Variants in NCOA5 observed in about 807,000 individuals in gnomAD.
NCOA5 encodes nuclear receptor coactivator 5.
A neutral mutation model predicts 59.0 loss-of-function variants in NCOA5; 12 were observed. The ratio of observed to expected loss-of-function variants is 0.20; its 90% confidence interval spans 0.13 to 0.33. NCOA5 has a LOEUF of 0.33. Ranked by LOEUF, NCOA5 falls within the 10% of genes least tolerant of loss-of-function variation. NCOA5 has a pLI of 1.00. For missense variants in NCOA5, 655 were observed against 766.6 expected (o/e 0.85, Z 1.72); for synonymous variants, 270 against 275.5 (o/e 0.98, Z 0.20).
At chr20:46,081,237 T>A (rs2084988859) in intron 1 of NCOA5, among the ~76,000 whole-genome samples, 1 of 152,118 alleles carries the variant, frequency 6.6e-6, no homozygotes, top group East Asian at 1.9e-4. Flanking sequence ...AAACACTGAC[T>A]AGACCTGGCA....
intron 3 of NCOA5, among the ~76,000 whole-genome samples, chr20:46,068,979 T>G (rs111374174): frequency 6.6e-6 from 1 of 152,102 alleles, no homozygotes; most frequent in African/African-American, 2.4e-5. Flanking sequence ...TATTATTATT[T>G]TTTTTTTAGT....
Position 46,068,596 on chromosome 20 carries a change from A to G in NCOA5, c.408T>C (p.Tyr136=). 1.2e-6 allele frequency: 2 copies of G among 1,613,742 alleles called. No homozygotes were observed. The highest frequency in any genetic ancestry group is 1.7e-6 in the Non-Finnish European group (2 of 1,179,822). ...SYDRYLRMDD[Y]CRRKDDSYFD... ...AATAAGAGTCATCCTTTCTCCTGCA[A>G]TAGTCATCCATTCGTAGGTATCGGT... The change falls in exon 4 of 8, where the codon TAT becomes TAC. Residue 136 remains tyrosine (Y), a synonymous_variant. Coordinates refer to ENST00000290231, the MANE Select transcript of NCOA5 (RefSeq NM_020967.3).
chr20:46,068,219 C>T (rs1321917174), intron 4 of NCOA5, among the ~76,000 whole-genome samples: 2 of 152,136 alleles, frequency 1.3e-5, no homozygotes, highest in East Asian at 3.8e-4. Context: ...CAGGTGGTGG[C>T]CACAGTGACC....
Position 46,062,112 on chromosome 20 carries a change from G to A in NCOA5, c.*188C>T. 2 of 522,346 alleles carry A rather than the reference G, an allele frequency of 3.8e-6. No individual in the cohort carries two copies. The highest frequency in any genetic ancestry group is 6.7e-6 in the Non-Finnish European group (2 of 297,658). The allele number at this position is 522,346 out of a possible 1,614,324, so 32.4% of individuals were successfully genotyped here. On this transcript the variant is annotated 3_prime_UTR_variant, in exon 8 of 8. Coordinates refer to ENST00000290231, the MANE Select transcript of NCOA5 (RefSeq NM_020967.3). ...AACAAAAAAAGATACAGCCCCAAAT[G>A]CAGTATAAACTTTGTAAGGAATAAG...
intron 2 of NCOA5, among the ~76,000 whole-genome samples, chr20:46,072,261 CCAG>C (rs1471513241): frequency 6.6e-6 from 1 of 152,188 alleles, no homozygotes; most frequent in Non-Finnish European, 1.5e-5. Flanking sequence ...AAATCTTTCT[CCAG>C]AAAGATCACT....
At chr20:46,064,004 G>A (rs995234485) in intron 6 of NCOA5, among the ~76,000 whole-genome samples, 1 of 152,190 alleles carries the variant, frequency 6.6e-6, no homozygotes, top group African/African-American at 2.4e-5. Flanking sequence ...ACAGCCATGG[G>A]AGGCAGGCCC....
chr20:46,075,208 C>T (rs2084924269), intron 2 of NCOA5, among the ~76,000 whole-genome samples: 1 of 152,170 alleles, frequency 6.6e-6, no homozygotes, highest in African/African-American at 2.4e-5. Context: ...AAATTTTACA[C>T]ATGTCCATGC....
At chr20:46,072,989 T>G (rs2084900929) in intron 2 of NCOA5, among the ~76,000 whole-genome samples, 1 of 152,218 alleles carries the variant, frequency 6.6e-6, no homozygotes, top group African/African-American at 2.4e-5. Context: ...CAGTACAAAC[T>G]TCTATAACCG....
intron 1 of NCOA5, among the ~76,000 whole-genome samples, chr20:46,088,863 C>T (rs2085070054): frequency 6.6e-6 from 1 of 152,216 alleles, no homozygotes; most frequent in African/African-American, 2.4e-5. Context: ...AGAATAATTT[C>T]AGGAGGAACA....
intron 2 of NCOA5, among the ~76,000 whole-genome samples, chr20:46,076,965 A>G (rs889146772): frequency 6.6e-6 from 1 of 152,168 alleles, no homozygotes; most frequent in Non-Finnish European, 1.5e-5. Context: ...GCCCAGGCTG[A>G]AGTGCAGTGG....
At chr20:46,067,249 T>C (rs1482283315) in intron 4 of NCOA5, 68 bp from the exon 5 acceptor site, 24 of 1,551,334 alleles carry the variant, frequency 1.5e-5, no homozygotes, top group Middle Eastern at 1.7e-4. Flanking sequence ...GAGCTACTTG[T>C]AGGCAAAGGT....
chr20:46,063,801 G>A, intron 6 of NCOA5, 121 bp from the exon 7 acceptor site: 1 of 1,056,134 alleles, frequency 9.5e-7, no homozygotes. Context: ...GTGACAAAAA[G>A]CCTTGAGATT....
At chr20:46,086,051 A>AT (rs1004608034) in intron 1 of NCOA5, among the ~76,000 whole-genome samples, 7 of 151,968 alleles carry the variant, frequency 4.6e-5, no homozygotes, top group South Asian at 2.1e-4. Flanking sequence ...ACCCTGGCTA[A>AT]TTTTTTTTGT....
At chr20:46,078,681 T>C (rs1011443185) in intron 2 of NCOA5, among the ~76,000 whole-genome samples, 1 of 152,176 alleles carries the variant, frequency 6.6e-6, no homozygotes, top group Non-Finnish European at 1.5e-5. Context: ...AGTATCTTTA[T>C]TTTTGGTGTA....
intron 5 of NCOA5, 74 bp downstream of exon 5, chr20:46,066,981 T>C (rs1010432647): frequency 2.0e-5 from 30 of 1,528,586 alleles, no homozygotes; most frequent in African/African-American, 2.8e-5. Flanking sequence ...ATTCAGTGGA[T>C]AGAGGTGCTA....
At chr20:46,069,734 G>T (rs974376982) in intron 3 of NCOA5, among the ~76,000 whole-genome samples, 1 of 141,230 alleles carries the variant, frequency 7.1e-6, no homozygotes, top group South Asian at 2.2e-4. Context: ...TTGTCTCAAA[G>T]AAAAAAAAAA....
chr20:46,085,046 AAAAG>A (rs1181744474), intron 1 of NCOA5, among the ~76,000 whole-genome samples: 6 of 152,214 alleles, frequency 3.9e-5, no homozygotes, highest in Non-Finnish European at 8.8e-5. Flanking sequence ...TCATTTTTAA[AAAAG>A]AAAGGGTCTC....
At chr20:46,073,988 A>T (rs576026409) in intron 2 of NCOA5, among the ~76,000 whole-genome samples, 1 of 152,346 alleles carries the variant, frequency 6.6e-6, no homozygotes, top group African/African-American at 2.4e-5. Context: ...AATGTAGAAG[A>T]GGTGATATTC....
Position 46,063,555 on chromosome 20 carries a change from C to T in NCOA5, c.955G>A (p.Glu319Lys). ...CTCTCTCTTTCCTGCAGGATGGCTTCATCGGCCATCTTGGCTGCCTGTCTG... is the reference window on the plus strand; with the variant it reads ...CTCTCTCTTTCCTGCAGGATGGCTTTATCGGCCATCTTGGCTGCCTGTCTG... Reference protein sequence around the residue: ...IARQAAKMADEAILQERERGG... With the variant: ...IARQAAKMADKAILQERERGG... Residue 319 changes from glutamate (E) to lysine (K), a missense_variant, in exon 7 of 8, where the codon GAA becomes AAA. Around this residue, in one of 3 missense-constraint regions of NCOA5, gnomAD observed 325 missense variants for 353.2 expected, o/e 0.92. Transcript: ENST00000290231. 6.2e-7 allele frequency: 1 copy of T among 1,614,218 alleles called. No individual in the cohort carries two copies. The highest frequency in any genetic ancestry group is 8.5e-7 in the Non-Finnish European group (1 of 1,180,046).
Sources: allele counts gnomAD v4.1 joint callset (sites outside exome capture counted in the v4.1 genomes callset), GRCh38; gene constraint gnomAD v4.1.1; regional missense constraint gnomAD v4.1.1; transcripts MANE v1.5; gene names NCBI Gene and HGNC (gene_info 2026-07-23, HGNC 2026-07-21).